Variants in NTM observed in about 807,000 individuals in gnomAD.
NTM encodes the protein IgLON family member 2.
A neutral mutation model predicts 42.1 loss-of-function variants in NTM; 13 were observed. That is an observed-to-expected ratio of 0.31 (90% confidence interval 0.20 to 0.49). The LOEUF is 0.49. Among genes scored for constraint, NTM ranks in the 20% least tolerant of loss-of-function variants. NTM has a pLI of 0.99. For synonymous variants in NTM, 187 were observed against 179.2 expected, an observed-to-expected ratio of 1.04 and a Z score of -0.35; for missense variants, 373 against 452.8, an observed-to-expected ratio of 0.82 and a Z score of 1.60.
At chr11:131,449,771 C>A (rs1395217256) in intron 1 of NTM, among the ~76,000 whole-genome samples, 1 of 152,180 alleles carries the variant, frequency 6.6e-6, no homozygotes, top group Non-Finnish European at 1.5e-5. Context: ...CTGGAGAGGC[C>A]TTGGAAGCCC....
intron 3 of NTM, among the ~76,000 whole-genome samples, chr11:132,174,208 G>C (rs2076479863): frequency 6.6e-6 from 1 of 152,166 alleles, no homozygotes; most frequent in African/African-American, 2.4e-5. Context: ...GCCCTCACTG[G>C]GCACTGAGTA....
At chr11:131,612,224 C>G (rs1274668828) in intron 1 of NTM, among the ~76,000 whole-genome samples, 3 of 152,200 alleles carry the variant, frequency 2.0e-5, no homozygotes, top group African/African-American at 7.2e-5. Flanking sequence ...GCCTGCAACC[C>G]CAGTCTACCT....
At chr11:131,952,282 T>G (rs1593137372) in intron 2 of NTM, among the ~76,000 whole-genome samples, 1 of 152,360 alleles carries the variant, frequency 6.6e-6, no homozygotes, top group Non-Finnish European at 1.5e-5. Flanking sequence ...ACTTGAATTA[T>G]AGATGTATGC....
At chr11:132,222,859 C>G (rs1279639510) in intron 4 of NTM, among the ~76,000 whole-genome samples, 1 of 152,176 alleles carries the variant, frequency 6.6e-6, no homozygotes, top group Non-Finnish European at 1.5e-5. Context: ...ATAATAGATT[C>G]AGGACTCCCC....
At chr11:131,567,824 G>C (rs1236121692) in intron 1 of NTM, among the ~76,000 whole-genome samples, 4 of 152,230 alleles carry the variant, frequency 2.6e-5, no homozygotes, top group Non-Finnish European at 5.9e-5. Flanking sequence ...CACCAGTGAA[G>C]GCAGAACAGA....
chr11:132,170,664 G>C (rs2075989615), intron 3 of NTM, among the ~76,000 whole-genome samples: 1 of 152,120 alleles, frequency 6.6e-6, no homozygotes, highest in South Asian at 2.1e-4. Context: ...TAATTTCTCA[G>C]AGCTCCAGCT....
chr11:131,660,856 G>T, intron 1 of NTM: 7 of 1,229,174 alleles, frequency 5.7e-6, no homozygotes, highest in Non-Finnish European at 7.3e-6. Flanking sequence ...TTTCAAAGTC[G>T]GAAGCTGGCC....
At chr11:132,017,065 T>C (rs1018153216) in intron 2 of NTM, among the ~76,000 whole-genome samples, 10 of 152,110 alleles carry the variant, frequency 6.6e-5, no homozygotes, top group Middle Eastern at 6.8e-3. Flanking sequence ...GATTTGCAAA[T>C]ATATTTTCCC....
At chr11:131,924,810 A>G (rs2057729889) in intron 2 of NTM, among the ~76,000 whole-genome samples, 1 of 152,252 alleles carries the variant, frequency 6.6e-6, no homozygotes, top group Admixed American at 6.5e-5. Context: ...GATTTGTTAC[A>G]ATAGCTAGCA....
At chr11:131,746,425 C>A (rs1201382877) in intron 1 of NTM, among the ~76,000 whole-genome samples, 1 of 151,478 alleles carries the variant, frequency 6.6e-6, no homozygotes, top group African/African-American at 2.4e-5. Flanking sequence ...ATTGGTGTGG[C>A]GGAAGTTTTA....
intron 2 of NTM, among the ~76,000 whole-genome samples, chr11:131,983,356 G>C (rs2065561347): frequency 6.6e-6 from 1 of 150,762 alleles, no homozygotes; most frequent in Admixed American, 6.6e-5. Flanking sequence ...CTCTAAAATG[G>C]AGAGTATAAA....
At chr11:131,598,840 TCTTTCTTTCTTC>T (rs2060155846) in intron 1 of NTM, among the ~76,000 whole-genome samples, 3 of 38,260 alleles carry the variant, frequency 7.8e-5, no homozygotes, top group African/African-American at 2.5e-4. Context: ...TTTCTTTCTT[TCTTTCTTTCTTC>T]CTTCCTTCCT....
intron 1 of NTM, among the ~76,000 whole-genome samples, chr11:131,472,969 T>C (rs1274646226): frequency 6.6e-6 from 1 of 152,204 alleles, no homozygotes; most frequent in African/African-American, 2.4e-5. Flanking sequence ...TTCCACGGTG[T>C]ACATAGAATA....
At chr11:131,613,318 C>T (rs1450955445) in intron 1 of NTM, among the ~76,000 whole-genome samples, 1 of 152,114 alleles carries the variant, frequency 6.6e-6, no homozygotes, top group Non-Finnish European at 1.5e-5. Flanking sequence ...CGTAGTTTGC[C>T]CAAGCCTGGG....
In NTM at chr11:131,901,588, GGCCATATA is replaced by G. The variant is rs1289179163; in HGVS notation, c.83-9974_83-9967del. Among the ~76,000 whole-genome samples, 5 of 151,712 alleles carry G rather than the reference GGCCATATA, an allele frequency of 3.3e-5. No individual in the cohort carries two copies. The East Asian group carries it at 7.7e-4, about 24-fold the overall frequency. ...CTTGGGGAATCTAGTATTAATACTT[GGCCATATA>G]GAAACATGTCAATCTACCCTTGATT... On this transcript the variant is annotated intron_variant, in intron 1 of 8. Transcript: ENST00000683400.
chr11:131,423,945 G>C (rs74413069), intron 1 of NTM, among the ~76,000 whole-genome samples: 23 of 152,260 alleles, frequency 1.5e-4, no homozygotes, highest in South Asian at 8.3e-4. Flanking sequence ...TTTCCCCGAG[G>C]CTTCTTTAGG....
At chr11:131,407,829 T>G (rs1250897867) in intron 1 of NTM, among the ~76,000 whole-genome samples, 1 of 152,192 alleles carries the variant, frequency 6.6e-6, no homozygotes. Flanking sequence ...CACCCCTTTC[T>G]CTGAGCAAAT....
intron 1 of NTM, among the ~76,000 whole-genome samples, chr11:131,516,361 A>G (rs2048892076): frequency 6.6e-6 from 1 of 152,160 alleles, no homozygotes; most frequent in African/African-American, 2.4e-5. Flanking sequence ...CCTTTGTGCA[A>G]GTTGACCCTG....
chr11:132,271,323 C>T (rs1361700403), intron 4 of NTM, among the ~76,000 whole-genome samples: 1 of 152,100 alleles, frequency 6.6e-6, no homozygotes, highest in African/African-American at 2.4e-5. Context: ...GTTGCTTCCA[C>T]CTTGGGACTA....
Sources: gnomAD v4.1 joint callset for allele counts (sites outside exome capture counted in the v4.1 genomes callset) on GRCh38, gnomAD v4.1.1 for gene constraint, MANE v1.5 for transcripts, NCBI Gene and HGNC (gene_info 2026-07-23, HGNC 2026-07-21) for gene names.